Variants in TAFA4 observed in about 807,000 individuals in gnomAD.
The protein encoded by TAFA4 is chemokine-like protein TAFA-4.
Under a neutral mutation model 21.1 loss-of-function variants are expected in TAFA4, and 20 were observed. The observed-to-expected ratio is 0.95, with a 90% CI of 0.67 to 1.38. The LOEUF (loss-of-function observed/expected upper bound fraction) is 1.38. Among genes scored for constraint, TAFA4 ranks in the 40% most tolerant of loss-of-function variants. The pLI is 0.00. For missense variants in TAFA4, 211 were observed against 180.9 expected (o/e 1.17, Z -0.95); for synonymous variants, 71 against 67.4 (o/e 1.05, Z -0.26).
At chr3:68,739,655 AATGTGGTATAGATATGCTATC>A (rs1246086414) in intron 4 of TAFA4, among the ~76,000 whole-genome samples, 9 of 152,220 alleles carry the variant, frequency 5.9e-5, no homozygotes, top group African/African-American at 1.9e-4. Context: ...GGATAAAGAA[AATGTGGTATAGATATGCTATC>A]AAATACTACT....
intron 2 of TAFA4, among the ~76,000 whole-genome samples, chr3:68,883,571 TTAAAA>T (rs1231708698): frequency 3.3e-5 from 5 of 152,214 alleles, no homozygotes; most frequent in Admixed American, 1.3e-4. Context: ...ATTAAAATAT[TTAAAA>T]TAATGTCCCA....
At chr3:68,825,961 G>A (rs1367754535) in intron 3 of TAFA4, among the ~76,000 whole-genome samples, 1 of 152,146 alleles carries the variant, frequency 6.6e-6, no homozygotes, top group East Asian at 1.9e-4. Flanking sequence ...ATCACAATGA[G>A]GTTTTTCATA....
chr3:68,784,349 A>G (rs1235834063), intron 3 of TAFA4, among the ~76,000 whole-genome samples: 2 of 152,210 alleles, frequency 1.3e-5, no homozygotes, highest in East Asian at 3.8e-4. Flanking sequence ...GGTGAGTGTT[A>G]CAGCTCTTAA....
At chr3:68,769,890 C>A (rs1465343910) in intron 3 of TAFA4, among the ~76,000 whole-genome samples, 2 of 152,118 alleles carry the variant, frequency 1.3e-5, no homozygotes, top group African/African-American at 4.8e-5. Context: ...TCAGTAAATT[C>A]TTTTCGAATT....
intron 1 of TAFA4, among the ~76,000 whole-genome samples, chr3:68,905,150 C>CT (rs145187037): frequency 1.0e-3 from 88 of 85,198 alleles, no homozygotes; most frequent in African/African-American, 3.0e-3. Flanking sequence ...AGATTTCTGC[C>CT]TTTTTTTTTT....
At chr3:68,929,321 A>G (rs1292833860) in intron 1 of TAFA4, among the ~76,000 whole-genome samples, 1 of 152,254 alleles carries the variant, frequency 6.6e-6, no homozygotes, top group African/African-American at 2.4e-5. Flanking sequence ...AGATCGCTTC[A>G]CCAATACCTT....
Position 68,739,175 on chromosome 3 carries a change from C to T in TAFA4, c.311G>A (p.Trp104Ter). The T allele has an allele frequency of 1.2e-6, 2 of 1,613,782 alleles. No homozygotes were observed. Among genetic ancestry groups the T allele is most frequent in the Non-Finnish European group, 8.5e-7 (1 of 1,179,834 alleles). Reference sequence around the variant, plus strand: ...TTCCAAACACGGATTCATGTGACACCACCATTTCTGAATCACAATGGAAGC... The same window carrying T: ...TTCCAAACACGGATTCATGTGACACTACCATTTCTGAATCACAATGGAAGC... ...VEASIVIQKW[W>*]CHMNPCLEGE... The change falls in exon 5 of 6, where the codon TGG becomes TAG. Residue 104 changes from tryptophan to a stop codon, truncating the protein, a stop_gained. Transcript: ENST00000295569. LOFTEE classifies it high-confidence loss of function.
In TAFA4 at chr3:68,732,222, G is replaced by C. The variant is rs1250462574; in HGVS notation, c.*920C>G. ...AGTAGGGAAACAGCTAAGTTAAGAA[G>C]AACTCATTTACAGTCTAAAAATTCA... is the stretch of plus-strand genomic sequence containing the variant. On this transcript the variant is annotated 3_prime_UTR_variant, in exon 6 of 6. Transcript: ENST00000295569. 6.6e-6 allele frequency: 1 copy of C among 152,482 alleles called. No homozygotes were observed. The highest frequency in any genetic ancestry group is 2.4e-5 in the African/African-American group (1 of 41,410). 9.4% of individuals were successfully genotyped at this position (152,482 alleles called of 1,614,324 possible).
intron 3 of TAFA4, among the ~76,000 whole-genome samples, chr3:68,774,117 A>G (rs1703007433): frequency 6.6e-6 from 1 of 152,204 alleles, no homozygotes; most frequent in Admixed American, 6.5e-5. Flanking sequence ...TCTTCTCCCA[A>G]GCTCCAGTCC....
intron 3 of TAFA4, among the ~76,000 whole-genome samples, chr3:68,814,067 A>C (rs1559530235): frequency 1.3e-5 from 2 of 152,230 alleles, no homozygotes; most frequent in Non-Finnish European, 2.9e-5. Flanking sequence ...GACAAAAACC[A>C]CATGATTATC....
chr3:68,774,056 C>T (rs953895456), intron 3 of TAFA4, among the ~76,000 whole-genome samples: 4 of 152,080 alleles, frequency 2.6e-5, no homozygotes, highest in African/African-American at 9.7e-5. Context: ...CTACAGCAGT[C>T]AAGCTAGGCC....
At chr3:68,873,096 G>C (rs937423014) in intron 3 of TAFA4, among the ~76,000 whole-genome samples, 4 of 151,932 alleles carry the variant, frequency 2.6e-5, no homozygotes, top group African/African-American at 9.7e-5. Flanking sequence ...AAAATTAGTA[G>C]GGTTCAAACT....
intron 3 of TAFA4, among the ~76,000 whole-genome samples, chr3:68,753,656 G>A (rs1460370912): frequency 6.6e-6 from 1 of 152,084 alleles, no homozygotes; most frequent in Non-Finnish European, 1.5e-5. Context: ...TTTTAAGAGA[G>A]GCAGTGTAGC....
chr3:68,774,487 G>A (rs1230750498), intron 3 of TAFA4, among the ~76,000 whole-genome samples: 1 of 152,110 alleles, frequency 6.6e-6, no homozygotes, highest in Admixed American at 6.6e-5. Flanking sequence ...AGAAAACCAA[G>A]AAATACAATT....
chr3:68,852,334 C>T (rs1237728161), intron 3 of TAFA4, among the ~76,000 whole-genome samples: 1 of 152,152 alleles, frequency 6.6e-6, no homozygotes, highest in Non-Finnish European at 1.5e-5. Context: ...CTGGGGCTTG[C>T]ATTCCCAGAA....
intron 3 of TAFA4, among the ~76,000 whole-genome samples, chr3:68,768,537 A>G (rs1702897948): frequency 6.6e-6 from 1 of 152,182 alleles, no homozygotes; most frequent in African/African-American, 2.4e-5. Context: ...ACCAGTATGG[A>G]GGTTCCTCAA....
intron 1 of TAFA4, among the ~76,000 whole-genome samples, chr3:68,899,980 CT>C (rs2089828123): frequency 6.6e-6 from 1 of 151,616 alleles, no homozygotes; most frequent in African/African-American, 2.4e-5. Context: ...TAGCTCACAC[CT>C]GTAATCCCAG....
At chr3:68,733,192 T>C (rs1575587506) in intron 5 of TAFA4, 39 bp from the exon 6 acceptor site, 1 of 1,606,710 alleles carries the variant, frequency 6.2e-7, no homozygotes, top group Non-Finnish European at 8.5e-7. Context: ...CAACACTCTA[T>C]ACCCACCGAA....
chr3:68,911,375 G>A (rs1334615476), intron 1 of TAFA4, among the ~76,000 whole-genome samples: 1 of 152,196 alleles, frequency 6.6e-6, no homozygotes, highest in Admixed American at 6.5e-5. Flanking sequence ...CATTCCCTGT[G>A]TATTTTGATG....
Sources: gnomAD v4.1 joint callset for allele counts (sites outside exome capture counted in the v4.1 genomes callset) on GRCh38, gnomAD v4.1.1 for gene constraint, MANE v1.5 for transcripts, NCBI Gene and HGNC (gene_info 2026-07-23, HGNC 2026-07-21) for gene names.